DLGAP2: variants seen among roughly 807,000 people sequenced by gnomAD.
DLGAP2 encodes disks large-associated protein 2.
A neutral mutation model predicts 100.3 loss-of-function variants in DLGAP2; 26 were observed. That is an observed-to-expected ratio of 0.26 (90% CI 0.19 to 0.36). The LOEUF is 0.36. DLGAP2 is among the 10% of genes least tolerant of loss of function. DLGAP2 has a pLI of 1.00. For synonymous variants in DLGAP2, 886 were observed against 630.1 expected, an observed-to-expected ratio of 1.41 and a Z score of -6.08; for missense variants, 1,858 against 1,453.2, an observed-to-expected ratio of 1.28 and a Z score of -4.53.
At chr8:928,946 T>A (rs1000767925) in intron 2 of DLGAP2, among the ~76,000 whole-genome samples, 1 of 151,234 alleles carries the variant, frequency 6.6e-6, no homozygotes, top group African/African-American at 2.4e-5. Flanking sequence ...CTGCTCAAGG[T>A]TTCTCTGGAA....
At chr8:1,297,563 C>T (rs1472254803) in intron 3 of DLGAP2, among the ~76,000 whole-genome samples, 1 of 112,442 alleles carries the variant, frequency 8.9e-6, no homozygotes, top group Non-Finnish European at 1.9e-5. Context: ...CATGAACAGA[C>T]ACCACGTGAG....
intron 3 of DLGAP2, among the ~76,000 whole-genome samples, chr8:1,384,842 A>G (rs62484192): frequency 0.026 from 150 of 5,872 alleles, 5 homozygotes; most frequent in Middle Eastern, 0.5. Context: ...ACCCCGGCCT[A>G]TGCCCGTCCC....
intron 6 of DLGAP2, among the ~76,000 whole-genome samples, chr8:1,603,650 C>T (rs1157219961): frequency 1.3e-5 from 2 of 152,168 alleles, no homozygotes; most frequent in African/African-American, 4.8e-5. Context: ...GAGGCTGGGT[C>T]TTCATTCTTT....
At chr8:999,503 G>A (rs993395810) in intron 2 of DLGAP2, among the ~76,000 whole-genome samples, 1 of 149,314 alleles carries the variant, frequency 6.7e-6, no homozygotes. Flanking sequence ...TTTCCCGATG[G>A]AGTGTCGGTC....
rs1800423159 is a variant in DLGAP2 at position 1,517,239 on chromosome 8, GGAA to G, written c.172+15813_172+15815del. On this transcript the variant is annotated intron_variant, in intron 4 of 14. Coordinates refer to ENST00000637795, the MANE Select transcript of DLGAP2 (RefSeq NM_001346810.2). ...AAGTGAGTTCTGGCAGCTGTGGGGAGGAAGAAGTCAAGCCCTCTGTGGGGTCAG... is the reference window on the plus strand; with the variant it reads ...AAGTGAGTTCTGGCAGCTGTGGGGAGGAAGTCAAGCCCTCTGTGGGGTCAG... Among the ~76,000 whole-genome samples the G allele has an allele frequency of 3.3e-5, 5 of 152,316 alleles. No individual in the cohort carries two copies. The South Asian group carries it at 1.0e-3, about 32-fold the overall frequency.
intron 2 of DLGAP2, among the ~76,000 whole-genome samples, chr8:1,143,209 G>A (rs1796551197): frequency 1.3e-5 from 2 of 152,112 alleles, no homozygotes; most frequent in African/African-American, 2.4e-5. Context: ...TATGACAAGG[G>A]TAAAATGAAA....
At chr8:1,627,833 G>A (rs1257307506) in intron 7 of DLGAP2, among the ~76,000 whole-genome samples, 1 of 151,956 alleles carries the variant, frequency 6.6e-6, no homozygotes, top group African/African-American at 2.4e-5. Context: ...TGTGGAGCAG[G>A]GATTAAGAGC....
chr8:1,168,540 C>A (rs1260215040), intron 2 of DLGAP2, among the ~76,000 whole-genome samples: 3 of 147,030 alleles, frequency 2.0e-5, no homozygotes, highest in African/African-American at 5.0e-5. Context: ...TCTCCAGCAC[C>A]TGTTGTTTCC....
intron 3 of DLGAP2, among the ~76,000 whole-genome samples, chr8:1,386,627 G>A (rs1260489852): frequency 1.3e-5 from 2 of 152,270 alleles, no homozygotes; most frequent in Non-Finnish European, 1.5e-5. Context: ...AAGATTCGGA[G>A]GATGTGCTGA....
At chr8:1,410,382 A>G (rs545490555) in intron 3 of DLGAP2, among the ~76,000 whole-genome samples, 13 of 152,282 alleles carry the variant, frequency 8.5e-5, no homozygotes, top group African/African-American at 2.9e-4. Flanking sequence ...AGCAGACGCC[A>G]GTCTGACCCC....
chr8:773,012 A>G (rs1447695373), intron 1 of DLGAP2, among the ~76,000 whole-genome samples: 1 of 152,168 alleles, frequency 6.6e-6, no homozygotes, highest in Non-Finnish European at 1.5e-5. Flanking sequence ...GATGGCATGG[A>G]CACACTTGTT....
chr8:1,167,179 C>T (rs1199507847), intron 2 of DLGAP2, among the ~76,000 whole-genome samples: 2 of 152,096 alleles, frequency 1.3e-5, no homozygotes, highest in Non-Finnish European at 2.9e-5. Context: ...AGCCTCCTGA[C>T]TTACATGACC....
chr8:1,231,512 T>C (rs896853454), intron 2 of DLGAP2, among the ~76,000 whole-genome samples: 1 of 152,152 alleles, frequency 6.6e-6, no homozygotes, highest in Non-Finnish European at 1.5e-5. Flanking sequence ...AAAATTGTGC[T>C]ATTGAAAAGA....
intron 1 of DLGAP2, among the ~76,000 whole-genome samples, chr8:797,249 T>G (rs1183881146): frequency 6.6e-6 from 1 of 152,220 alleles, no homozygotes; most frequent in Non-Finnish European, 1.5e-5. Context: ...GGCTCTCACT[T>G]GCTGCTTCTA....
intron 2 of DLGAP2, among the ~76,000 whole-genome samples, chr8:964,938 C>T (rs373782601): frequency 1.5e-4 from 23 of 151,376 alleles, no homozygotes; most frequent in African/African-American, 3.4e-4. Flanking sequence ...ACGGCACTGT[C>T]GCCACCGCAC....
intron 3 of DLGAP2, among the ~76,000 whole-genome samples, chr8:1,484,915 C>T (rs373162140): frequency 5.3e-5 from 8 of 152,220 alleles, no homozygotes; most frequent in African/African-American, 1.4e-4. Context: ...GCTCTGCCGT[C>T]TCCTTTGCTG....
chr8:1,364,502 C>CGGGG (rs139560352), intron 3 of DLGAP2, among the ~76,000 whole-genome samples: 5 of 141,514 alleles, frequency 3.5e-5, no homozygotes, highest in African/African-American at 1.3e-4. Flanking sequence ...ATGGGAAGGG[C>CGGGG]GGGGGGGGTG....
intron 1 of DLGAP2, among the ~76,000 whole-genome samples, chr8:869,218 A>C (rs1486860220): frequency 1.3e-5 from 2 of 152,092 alleles, no homozygotes; most frequent in Non-Finnish European, 2.9e-5. Context: ...AGCCACCCCT[A>C]AACGGTTCCT....
intron 4 of DLGAP2, among the ~76,000 whole-genome samples, chr8:1,515,487 G>C (rs1192218466): frequency 6.6e-6 from 1 of 151,476 alleles, no homozygotes; most frequent in African/African-American, 2.4e-5. Context: ...AAAATATGCA[G>C]ACAGAAATGT....
Sources: gnomAD v4.1 joint callset for allele counts (sites outside exome capture counted in the v4.1 genomes callset) on GRCh38, gnomAD v4.1.1 for gene constraint, MANE v1.5 for transcripts, NCBI Gene and HGNC (gene_info 2026-07-23, HGNC 2026-07-21) for gene names.